The following TUSC7 variants were observed in gnomAD, a reference collection of about 807,000 sequenced individuals.
TUSC7 encodes LSAMP antisense RNA 3.
At chr3:116,715,188 A>G (rs1240435945) in intron 1 of TUSC7, among the ~76,000 whole-genome samples, 1 of 152,188 alleles carries the variant, frequency 6.6e-6, no homozygotes, top group African/African-American at 2.4e-5. Context: ...ACATTGAATA[A>G]TATTCCTTTG....
intron 1 of TUSC7, chr3:116,712,649 G>C (rs1270734786): frequency 6.6e-6 from 1 of 152,088 alleles, no homozygotes; most frequent in East Asian, 1.9e-4. Flanking sequence ...AAACACCAAG[G>C]GAAGAGAGGG....
chr3:116,714,676 T>A (rs1372843781), intron 1 of TUSC7, among the ~76,000 whole-genome samples: 1 of 152,156 alleles, frequency 6.6e-6, no homozygotes, highest in Non-Finnish European at 1.5e-5. Flanking sequence ...CACATATCAT[T>A]TTTTAAAAGA....
intron 1 of TUSC7, among the ~76,000 whole-genome samples, chr3:116,711,351 A>T (rs1041214758): frequency 1.3e-5 from 2 of 152,190 alleles, no homozygotes; most frequent in African/African-American, 4.8e-5. Flanking sequence ...TTAACTAAAG[A>T]TGTCAGCACT....
At chr3:116,712,599 G>A (rs1394104863) in intron 1 of TUSC7, 2 of 152,176 alleles carry the variant, frequency 1.3e-5, no homozygotes, top group Admixed American at 1.3e-4. Context: ...CAACAACTGA[G>A]GTGGCGTATG....
intron 1 of TUSC7, chr3:116,716,584 A>T (rs1026418560): frequency 5.3e-5 from 8 of 152,362 alleles, no homozygotes; most frequent in South Asian, 2.1e-4. Context: ...AGCCAGCTTC[A>T]CTGGAAACAA....
At chr3:116,716,408 A>T (rs1199510696) in intron 1 of TUSC7, 5 of 152,190 alleles carry the variant, frequency 3.3e-5, no homozygotes, top group Non-Finnish European at 2.9e-5. Context: ...AGACTCAGTG[A>T]ATCACCAAGG....
intron 1 of TUSC7, chr3:116,712,644 C>A (rs949500019): frequency 6.6e-5 from 10 of 151,932 alleles, no homozygotes; most frequent in African/African-American, 2.2e-4. Flanking sequence ...AATATAAACA[C>A]CAAGGGAAGA....
intron 1 of TUSC7, among the ~76,000 whole-genome samples, chr3:116,710,760 A>C (rs974586164): frequency 1.3e-5 from 2 of 152,128 alleles, no homozygotes; most frequent in South Asian, 2.1e-4. Flanking sequence ...TGAAGATGAA[A>C]GACATGTAAA....
chr3:116,713,029 C>T (rs1368205488), intron 1 of TUSC7, among the ~76,000 whole-genome samples: 1 of 152,142 alleles, frequency 6.6e-6, no homozygotes, highest in Non-Finnish European at 1.5e-5. Flanking sequence ...ACTTCTAAAA[C>T]ACACATAAAT....
chr3:116,715,016 C>T (rs1365453925), intron 1 of TUSC7, among the ~76,000 whole-genome samples: 1 of 152,160 alleles, frequency 6.6e-6, no homozygotes, highest in Non-Finnish European at 1.5e-5. Flanking sequence ...CCCTTGACAA[C>T]CACTCATCTT....
chr3:116,711,091 G>T lies in TUSC7; in HGVS notation n.98+1215G>T, dbSNP rs112079671. Among the ~76,000 whole-genome samples the T allele has an allele frequency of 1.7e-3, 265 of 152,270 alleles. 1 individual carries two copies. The highest frequency in any genetic ancestry group is 0.01 in the Middle Eastern group (3 of 294). The stretch of plus-strand genomic sequence containing the variant: ...CTGCATTTTAGGATAAAGGTATCAA[G>T]GGGAAGATATGAATTTATAATTAAA... On this transcript the variant is annotated intron_variant and non_coding_transcript_variant, in intron 1 of 2. Transcript: ENST00000477805.
At chr3:116,716,298 A>G (rs903355750) in intron 1 of TUSC7, 1 of 152,186 alleles carries the variant, frequency 6.6e-6, no homozygotes, top group Non-Finnish European at 1.5e-5. Flanking sequence ...TTTGGCCCAA[A>G]AAGTGGTCGG....
intron 1 of TUSC7, chr3:116,709,885 A>G (rs761724625): frequency 5.9e-5 from 9 of 152,104 alleles, no homozygotes; most frequent in African/African-American, 1.9e-4. Flanking sequence ...AGGTAGGAAG[A>G]TGATAAGATC....
chr3:116,711,903 T>A (rs966994612), intron 1 of TUSC7, among the ~76,000 whole-genome samples: 1 of 152,172 alleles, frequency 6.6e-6, no homozygotes, highest in African/African-American at 2.4e-5. Context: ...ACCTAAATCT[T>A]GAAACATAAC....
At chr3:116,712,879 A>T (rs552194046) in intron 1 of TUSC7, 2 of 152,234 alleles carry the variant, frequency 1.3e-5, no homozygotes, top group South Asian at 4.2e-4. Flanking sequence ...AATAAATAGT[A>T]TCTGTTTGTA....
intron 1 of TUSC7, chr3:116,713,943 G>A (rs1434041511): frequency 3.9e-5 from 6 of 152,194 alleles, no homozygotes; most frequent in Non-Finnish European, 1.5e-5. Context: ...TCCAGCCTGG[G>A]TGATAAGAGC....
At chr3:116,713,337 G>A (rs2051478283) in intron 1 of TUSC7, among the ~76,000 whole-genome samples, 1 of 152,134 alleles carries the variant, frequency 6.6e-6, no homozygotes, top group African/African-American at 2.4e-5. Context: ...CTCCCTAACT[G>A]TTAACAGCAG....
At chr3:116,715,722 A>C (rs4831155) in intron 1 of TUSC7, among the ~76,000 whole-genome samples, 43,155 of 151,930 alleles carry the variant, frequency 0.28, 6,592 homozygotes, top group South Asian at 0.51. Context: ...TGATATAGTC[A>C]TTTATCAGAT....
At chr3:116,709,857 G>A (rs772893673) in exon 1 of TUSC7, 1 of 152,062 alleles carries the variant, frequency 6.6e-6, no homozygotes, top group Non-Finnish European at 1.5e-5. Context: ...CTTAAGACAT[G>A]GAGATATATC....
Sources: allele counts gnomAD v4.1 joint callset (sites outside exome capture counted in the v4.1 genomes callset), GRCh38; gene constraint gnomAD v4.1.1; transcripts MANE v1.5; gene names NCBI Gene and HGNC (gene_info 2026-07-23, HGNC 2026-07-21).